Variants in CSMD3 observed in about 807,000 individuals in gnomAD.
The protein encoded by CSMD3 is CUB and Sushi multiple domains 3.
In CSMD3, 177 loss-of-function variants were observed where a neutral mutation model predicts 435.2. That is an observed-to-expected ratio of 0.41 (90% CI 0.36 to 0.46). The LOEUF is 0.46. Ranked by LOEUF, CSMD3 falls within the 20% of genes least tolerant of loss-of-function variation. The pLI, the probability that CSMD3 is intolerant of heterozygous loss-of-function variation, is 0.34. For synonymous variants in CSMD3, 1,656 were observed against 1,520.5 expected (o/e 1.09, Z -2.07); for missense variants, 4,265 against 4,504.6 (o/e 0.95, Z 1.52).
intron 50 of CSMD3, among the ~76,000 whole-genome samples, chr8:112,306,483 T>C (rs926766594): frequency 1.3e-5 from 2 of 152,194 alleles, no homozygotes; most frequent in African/African-American, 4.8e-5. Flanking sequence ...AGCATTTGTA[T>C]GGATTATATG....
chr8:112,341,394 CA>C, intron 42 of CSMD3, 82 bp downstream of exon 42: 1 of 876,672 alleles, frequency 1.1e-6, no homozygotes. Flanking sequence ...AAACAGAATA[CA>C]GAAAATAATT....
chr8:112,990,132 G>T lies in CSMD3; in HGVS notation c.1031-13984C>A, dbSNP rs140240156. Among the ~76,000 whole-genome samples the T allele has an allele frequency of 6.7e-3, 1,025 of 151,904 alleles. 7 individuals are homozygous for T. The highest frequency in any genetic ancestry group is 0.026 in the South Asian group (125 of 4,816). ...GTCAATTAAAATTTTTCCTTTATAC[G>T]TTACTCAGTCCCGAATACGTCTTTA... On this transcript the variant is annotated intron_variant, in intron 6 of 70. Transcript: ENST00000297405.
intron 42 of CSMD3, among the ~76,000 whole-genome samples, chr8:112,339,952 T>G (rs926974511): frequency 4.6e-5 from 7 of 152,216 alleles, no homozygotes; most frequent in African/African-American, 7.2e-5. Context: ...GAAAAAAGTT[T>G]ATATATTTTA....
chr8:112,307,893 G>A (rs1470322027), intron 50 of CSMD3, among the ~76,000 whole-genome samples: 4 of 151,964 alleles, frequency 2.6e-5, no homozygotes, highest in East Asian at 1.9e-4. Flanking sequence ...CTTCCATTTC[G>A]ACCAAAAATT....
At chr8:112,517,374 T>G (rs1823787165) in intron 27 of CSMD3, 149 bp from the exon 28 acceptor site, 1 of 620,940 alleles carries the variant, frequency 1.6e-6, no homozygotes, top group Non-Finnish European at 2.8e-6. Context: ...TTTAAATAAT[T>G]TATGTGCTAA....
intron 52 of CSMD3, among the ~76,000 whole-genome samples, chr8:112,303,985 TG>T (rs1292221583): frequency 1.3e-5 from 2 of 152,154 alleles, no homozygotes; most frequent in African/African-American, 4.8e-5. Context: ...AATAAATGAA[TG>T]TAAGAAAGGG....
intron 32 of CSMD3, among the ~76,000 whole-genome samples, chr8:112,410,654 ATATATATGTATATATATATGTG>A (rs1482721784): frequency 0.041 from 5,010 of 122,486 alleles, 263 homozygotes; most frequent in Non-Finnish European, 0.05. Flanking sequence ...ATATATGTGT[ATATATATGTATATATATATGTG>A]TATATATATA....
intron 25 of CSMD3, among the ~76,000 whole-genome samples, chr8:112,556,359 T>C (rs1298008968): frequency 1.3e-5 from 2 of 151,972 alleles, no homozygotes; most frequent in Non-Finnish European, 2.9e-5. Flanking sequence ...GAAAAGAGAA[T>C]AGGTTACTGT....
intron 44 of CSMD3, among the ~76,000 whole-genome samples, 182 bp downstream of exon 44, chr8:112,336,470 A>G (rs1158895): frequency 0.2 from 30,754 of 152,134 alleles, 3,713 homozygotes; most frequent in East Asian, 0.39. Context: ...GGGGCAAATA[A>G]GCCAAAACCT....
chr8:113,081,553 T>C (rs2131455647), intron 5 of CSMD3, among the ~76,000 whole-genome samples: 1 of 151,848 alleles, frequency 6.6e-6, no homozygotes, highest in East Asian at 1.9e-4. Flanking sequence ...TTACCTGGAG[T>C]CTCTTGTGAC....
intron 32 of CSMD3, among the ~76,000 whole-genome samples, chr8:112,432,906 C>T (rs1813865174): frequency 4.0e-5 from 2 of 50,120 alleles, no homozygotes; most frequent in Admixed American, 2.9e-4. Context: ...CAAGGCTCCA[C>T]TGGAAAAAAA....
intron 3 of CSMD3, among the ~76,000 whole-genome samples, chr8:113,255,347 T>C (rs2093370633): frequency 6.6e-6 from 1 of 152,112 alleles, no homozygotes; most frequent in African/African-American, 2.4e-5. Flanking sequence ...TTTAGTTTTG[T>C]ATTAAAATTA....
At position 112,330,076 on chromosome 8, in the gene CSMD3, G is replaced by A. The variant is rs190616328; in HGVS notation, c.7165+5253C>T. On this transcript the variant is annotated intron_variant, in intron 45 of 70. Transcript: ENST00000297405. ...GAGGTCAGGTCTTTAGGTTATGTGA[G>A]GCAAAGGGGTCACACAGTTAAAGGC... Among the ~76,000 whole-genome samples the A allele has an allele frequency of 2.0e-5, 3 of 150,802 alleles. No homozygotes were observed. In the Admixed American group the frequency reaches 2.0e-4, roughly 10 times the overall value.
chr8:112,948,704 C>T (rs1267193599), intron 8 of CSMD3, among the ~76,000 whole-genome samples: 1 of 150,846 alleles, frequency 6.6e-6, no homozygotes, highest in East Asian at 1.9e-4. Context: ...TATCAATTTA[C>T]CTGCTTTTTT....
At chr8:113,195,989 G>T (rs1038580528) in intron 3 of CSMD3, among the ~76,000 whole-genome samples, 1 of 150,258 alleles carries the variant, frequency 6.7e-6, no homozygotes, top group African/African-American at 2.4e-5. Flanking sequence ...ATGAGGAAAG[G>T]TGTCATCCTT....
chr8:113,174,351 G>A (rs1375498631), intron 3 of CSMD3, among the ~76,000 whole-genome samples: 1 of 151,908 alleles, frequency 6.6e-6, no homozygotes, highest in Non-Finnish European at 1.5e-5. Context: ...ATTTTTCATG[G>A]AAACCTTTAT....
chr8:113,236,694 T>C (rs1411148373), intron 3 of CSMD3, among the ~76,000 whole-genome samples: 3 of 152,132 alleles, frequency 2.0e-5, no homozygotes, highest in Non-Finnish European at 4.4e-5. Context: ...CTGAGACTTT[T>C]ATACTTGGAC....
At chr8:113,302,337 T>TA (rs942052021) in intron 2 of CSMD3, among the ~76,000 whole-genome samples, 2 of 142,734 alleles carry the variant, frequency 1.4e-5, no homozygotes, top group Non-Finnish European at 3.0e-5. Context: ...AATATAATAA[T>TA]AAAAAATATT....
chr8:112,927,715 GT>G (rs1036445107), intron 9 of CSMD3, among the ~76,000 whole-genome samples: 1 of 152,046 alleles, frequency 6.6e-6, no homozygotes. Context: ...TGAATACCAT[GT>G]TTTTTTATAC....
Sources: gnomAD v4.1 joint callset for allele counts (sites outside exome capture counted in the v4.1 genomes callset) on GRCh38, gnomAD v4.1.1 for gene constraint, MANE v1.5 for transcripts, NCBI Gene and HGNC (gene_info 2026-07-23, HGNC 2026-07-21) for gene names.